ODAD1: variants seen among roughly 807,000 people sequenced by gnomAD.
ODAD1 encodes the protein outer dynein arm docking complex subunit 1.
In ODAD1, 49 loss-of-function variants were observed where a neutral mutation model predicts 67.2. The ratio of observed to expected loss-of-function variants is 0.73; its 90% CI spans 0.58 to 0.92. The LOEUF is 0.92. Among genes scored for constraint, ODAD1 ranks in the 40% least tolerant of loss-of-function variants. The pLI is 0.00. For missense variants in ODAD1, 897 were observed against 953.7 expected, an observed-to-expected ratio of 0.94 and a Z score of 0.78; for synonymous variants, 345 against 393.7, an observed-to-expected ratio of 0.88 and a Z score of 1.46.
Position 48,296,994 on chromosome 19 carries a change from G to C in ODAD1, c.2106C>G (p.Ser702Arg). 2 of 1,605,106 alleles carry C rather than the reference G, an allele frequency of 1.2e-6. No homozygotes were observed. The highest frequency in any genetic ancestry group is 1.7e-6 in the Non-Finnish European group (2 of 1,176,854). ...CCTCGTGTTAGCCCCGGGAGTCTTT[G>C]CTGGTGGAGGAGCCCGGGCCAGTGC... ...ASSTGPGSST[S>R]KDSRG Residue 702 changes from serine to arginine, a missense_variant, in exon 16 of 16, where the codon AGC becomes AGG. Physicochemically the swap from Ser to Arg is moderately radical, Grantham distance 110. Transcript: ENST00000674294.
At position 48,304,101 on chromosome 19, in the gene ODAD1, G is replaced by GCGCTCC. The variant is rs1569005000; in HGVS notation, c.699_704dup (p.Glu234_Arg235dup). 2 of 1,613,474 alleles carry GCGCTCC rather than the reference G, an allele frequency of 1.2e-6. No individual in the cohort carries two copies. The highest frequency in any genetic ancestry group is 1.7e-6 in the Non-Finnish European group (2 of 1,179,758). On this transcript the variant is annotated inframe_insertion, in exon 9 of 16. Coordinates refer to ENST00000674294, the MANE Select transcript of ODAD1 (RefSeq NM_001364171.2). ...CGCTCTGGGCCTCCTCTTTCTCCGC[G>GCGCTCC]CGCTCCCGCAGCAAGCCCATCTTGG... is the stretch of plus-strand genomic sequence containing the variant.
intron 10 of ODAD1, 99 bp downstream of exon 10, chr19:48,303,551 T>G: frequency 2.1e-6 from 3 of 1,452,648 alleles, no homozygotes; most frequent in Non-Finnish European, 2.9e-6. Flanking sequence ...CCAGCACAGA[T>G]GGAGGAGTTC....
In ODAD1 at chr19:48,297,126, GC is replaced by G. The variant is rs769187045; in HGVS notation, c.1973del (p.Gly658AlafsTer126). On this transcript the variant is annotated frameshift_variant, in exon 16 of 16. Transcript: ENST00000674294. LOFTEE classifies it low-confidence loss of function (END_TRUNC). ...GSTGYVGSSR[G>X]GENTEGGVES... ...CCACACCACCCTCTGTGTTTTCTCC[GC>G]CCCTGCTGGACCCCACGTATCCAGT... 3.3e-5 allele frequency: 54 copies of G among 1,614,008 alleles called. No homozygotes were observed. In the African/African-American group the frequency reaches 6.4e-4, roughly 19 times the overall value.
At chr19:48,316,641 C>A (rs1396416793) in intron 5 of ODAD1, among the ~76,000 whole-genome samples, 1 of 152,190 alleles carries the variant, frequency 6.6e-6, no homozygotes, top group African/African-American at 2.4e-5. Context: ...CCAGTTTCTG[C>A]AGATGGGATT....
intron 7 of ODAD1, among the ~76,000 whole-genome samples, chr19:48,307,116 G>A (rs183258064): frequency 4.6e-5 from 7 of 152,064 alleles, no homozygotes; most frequent in South Asian, 2.1e-4. Flanking sequence ...TCCGGGAGGC[G>A]GAGGTTGTGG....
intron 8 of ODAD1, 24 bp from the exon 9 acceptor site, chr19:48,304,164 GA>G (rs1472483364): frequency 1.3e-6 from 2 of 1,581,342 alleles, no homozygotes; most frequent in Admixed American, 3.4e-5. Context: ...CCGGGGTCAG[GA>G]TGACTGGAGG....
At chr19:48,314,549 C>T (rs1968848846) in intron 5 of ODAD1, among the ~76,000 whole-genome samples, 1 of 152,156 alleles carries the variant, frequency 6.6e-6, no homozygotes, top group African/African-American at 2.4e-5. Context: ...TAGCTTAAGG[C>T]AGTTCACAAG....
chr19:48,300,599 A>G (rs553511147), intron 12 of ODAD1, among the ~76,000 whole-genome samples: 188 of 152,226 alleles, frequency 1.2e-3, no homozygotes, highest in Admixed American at 3.0e-3. Context: ...GGCAAGCTAC[A>G]GTATAAGAGA....
chr19:48,296,456 G>A (rs554299995), downstream of ODAD1: 1 of 153,182 alleles, frequency 6.5e-6, no homozygotes, highest in South Asian at 2.1e-4. Flanking sequence ...CATGGCTGAA[G>A]CCAGCTCTCC....
At chr19:48,308,221 C>T (rs1328700636) in intron 7 of ODAD1, among the ~76,000 whole-genome samples, 1 of 151,512 alleles carries the variant, frequency 6.6e-6, no homozygotes, top group Non-Finnish European at 1.5e-5. Flanking sequence ...GTTGCCCAGG[C>T]TGGAGTGCAA....
chr19:48,303,323 C>T (rs1362054399), intron 10 of ODAD1: 6 of 612,998 alleles, frequency 9.8e-6, no homozygotes, highest in African/African-American at 1.8e-5. Flanking sequence ...GAGGGAAAGC[C>T]AGAGACTCGG....
chr19:48,310,009 T>C (rs1023910480), intron 7 of ODAD1, among the ~76,000 whole-genome samples: 1 of 151,178 alleles, frequency 6.6e-6, no homozygotes, highest in African/African-American at 2.4e-5. Flanking sequence ...CTGAGGCGGG[T>C]GGAACACCTT....
At chr19:48,313,081 A>G (rs1285868619) in intron 5 of ODAD1, among the ~76,000 whole-genome samples, 4 of 152,168 alleles carry the variant, frequency 2.6e-5, no homozygotes, top group Non-Finnish European at 5.9e-5. Context: ...AGATAAATGA[A>G]TTGCTCAACA....
In ODAD1 at chr19:48,317,068, T is replaced by A. The variant is rs988476246; in HGVS notation, c.360+1319A>T. On this transcript the variant is annotated intron_variant, in intron 5 of 15. Transcript: ENST00000674294. ...TGGAGTGCAACGGGGCAATCACAGC[T>A]CACTGAAGCCTCAAACTCCTGGGCT... Among the ~76,000 whole-genome samples, 5 of 152,240 alleles carry A rather than the reference T, an allele frequency of 3.3e-5. No individual in the cohort carries two copies. The Middle Eastern group carries it at 0.01, about 311-fold the overall frequency.
rs372358888 is a variant in ODAD1 at position 48,312,063 on chromosome 19, C to T, written c.414G>A (p.Pro138=). 452 of 1,549,606 alleles carry T rather than the reference C, an allele frequency of 2.9e-4. No individual in the cohort carries two copies. Among genetic ancestry groups the T allele is most frequent in the Non-Finnish European group, 3.5e-4 (406 of 1,144,784 alleles). ...TGACCTTCTGATCCAGGATGAATCC[C>T]GGGGACCTGACATTCTTACTGTGGG... ...IFTHSKNVRS[P]GFILDQKVKI... Residue 138 remains proline, a synonymous_variant, in exon 6 of 16, where the codon CCG becomes CCA. Coordinates refer to ENST00000674294, the MANE Select transcript of ODAD1 (RefSeq NM_001364171.2).
At chr19:48,320,275 T>C in intron 3 of ODAD1, 24 bp downstream of exon 3, 1 of 1,225,802 alleles carries the variant, frequency 8.2e-7, no homozygotes, top group Non-Finnish European at 1.1e-6. Context: ...AATGGGTGAA[T>C]GATATAAAGA....
rs1285275318 is a variant in ODAD1, at chr19:48,297,306, AG to A, written c.1793del (p.Thr598IlefsTer26). 1 of 1,613,604 alleles carries A rather than the reference AG, an allele frequency of 6.2e-7. No homozygotes were observed. Among genetic ancestry groups the A allele is most frequent in the African/African-American group, 1.3e-5 (1 of 74,912 alleles). On this transcript the variant is annotated frameshift_variant, in exon 16 of 16. Transcript: ENST00000674294. LOFTEE classifies it low-confidence loss of function (END_TRUNC). ...CAGTGCTGGAGCTGAGGCCGCCAAA[AG>A]TGACGTGGCCAAGAGAGCCACGGTC... ...SRDRGSLGHVTFGGLSSSTGH... is the reference protein window; with the variant it reads ...SRDRGSLGHVXFGGLSSSTGH...
At chr19:48,318,238 C>T (rs961013471) in intron 5 of ODAD1, 149 bp downstream of exon 5, 31 of 685,438 alleles carry the variant, frequency 4.5e-5, no homozygotes, top group African/African-American at 7.2e-5. Context: ...GTGATCTGCC[C>T]GCCTCAGCCT....
intron 7 of ODAD1, among the ~76,000 whole-genome samples, chr19:48,308,966 T>C (rs562295310): frequency 2.0e-5 from 3 of 150,790 alleles, no homozygotes; most frequent in East Asian, 4.0e-4. Flanking sequence ...CCCTTCCGAG[T>C]TGGTGGGGTG....
Sources: gnomAD v4.1 joint callset for allele counts (sites outside exome capture counted in the v4.1 genomes callset) on GRCh38, gnomAD v4.1.1 for gene constraint, MANE v1.5 for transcripts, NCBI Gene and HGNC (gene_info 2026-07-23, HGNC 2026-07-21) for gene names.